The following C11orf58 variants were observed in gnomAD, a reference collection of about 807,000 sequenced individuals.
C11orf58 encodes small acidic protein.
C11orf58 carries 5 observed loss-of-function variants against 22.7 expected under a neutral mutation model. That is an observed-to-expected ratio of 0.22 (90% CI 0.12 to 0.46). The LOEUF (loss-of-function observed/expected upper bound fraction) is 0.46. Among genes scored for constraint, C11orf58 ranks in the 20% least tolerant of loss-of-function variants. C11orf58 has a pLI of 0.99. For missense variants in C11orf58, 151 were observed against 223.3 expected, an observed-to-expected ratio of 0.68 and a Z score of 2.06; for synonymous variants, 71 against 70.7, an observed-to-expected ratio of 1.00 and a Z score of -0.02.
At chr11:16,754,528 TTTCTCTCTCTCTCTCTCCC>T in intron 4 of C11orf58, among the ~76,000 whole-genome samples, 1 of 131,584 alleles carries the variant, frequency 7.6e-6, no homozygotes, top group Non-Finnish European at 1.7e-5. Flanking sequence ...TTTTTTTTAG[TTTCTCTCTCTCTCTCTCCC>T]TTTTTTTTTT....
In C11orf58 at chr11:16,754,921, C is replaced by T. The variant is rs886247101; in HGVS notation, c.369C>T (p.Asp123=). Residue 123 remains aspartate, a synonymous_variant, in exon 5 of 5, where the codon GAC becomes GAT. Coordinates refer to ENST00000228136, the MANE Select transcript of C11orf58 (RefSeq NM_014267.6). ...EGDVAGDDDD[D]DDDSPDPESP... ...ATGTGGCTGGAGATGATGATGATGA[C>T]GATGATGATTCACCTGATCCTGAAA... is the stretch of plus-strand genomic sequence containing the variant. The T allele has an allele frequency of 3.5e-5, 56 of 1,613,740 alleles. No homozygotes were observed. The South Asian group carries it at 4.7e-4, about 14-fold the overall frequency.
chr11:16,753,275 C>G (rs1848548045), intron 4 of C11orf58, among the ~76,000 whole-genome samples: 1 of 151,834 alleles, frequency 6.6e-6, no homozygotes, highest in South Asian at 2.1e-4. Flanking sequence ...CACCATGTAA[C>G]CAGGCTGGCC....
At position 16,739,802 on chromosome 11, in the gene C11orf58, TTAAAG is replaced by T. The variant is rs1443611882; in HGVS notation, c.63+964_63+968del. 4.6e-5 allele frequency among the ~76,000 whole-genome samples: 7 copies of T among 152,276 alleles called. No homozygotes were observed. In the South Asian group the frequency reaches 1.0e-3, roughly 23 times the overall value. On this transcript the variant is annotated intron_variant, in intron 1 of 4. Transcript: ENST00000228136. ...TATCTAGGTTTTTTTTCGGTTTTGT[TTAAAG>T]TACTGTCAATTTCTGAATACATAGA...
At chr11:16,740,150 C>A (rs1374617759) in intron 1 of C11orf58, among the ~76,000 whole-genome samples, 1 of 152,064 alleles carries the variant, frequency 6.6e-6, no homozygotes, top group Non-Finnish European at 1.5e-5. Context: ...TTTTGAGTAA[C>A]CTGGCTGCCA....
chr11:16,745,391 T>C (rs1244730684), intron 2 of C11orf58, among the ~76,000 whole-genome samples: 1 of 152,244 alleles, frequency 6.6e-6, no homozygotes, highest in African/African-American at 2.4e-5. Context: ...TAGCCTACTG[T>C]TGACTGGAAG....
intron 4 of C11orf58, chr11:16,753,910 G>T (rs1243855843): frequency 3.7e-6 from 2 of 543,056 alleles, no homozygotes; most frequent in African/African-American, 1.9e-5. Flanking sequence ...TGTTGCCCAG[G>T]CTGGTCTCAA....
In C11orf58 at chr11:16,756,010, T is replaced by G. The variant is rs1848574289; in HGVS notation, c.*906T>G. 1.3e-5 allele frequency: 2 copies of G among 152,616 alleles called. No individual in the cohort carries two copies. The highest frequency in any genetic ancestry group is 1.3e-4 in the Admixed American group (2 of 15,284). The allele number at this position is 152,616 out of a possible 1,614,324, so 9.5% of individuals were successfully genotyped here. A position where few individuals can be genotyped will look rare whatever the true frequency, so the allele number is the denominator to read the frequency against. On this transcript the variant is annotated 3_prime_UTR_variant, in exon 5 of 5. Transcript: ENST00000228136. Reference sequence around the variant, plus strand: ...CAGTGCTATTTTATTGATTAATTACTAAAAAGTATTACTTTCTAATTTTAT... The same window carrying G: ...CAGTGCTATTTTATTGATTAATTACGAAAAAGTATTACTTTCTAATTTTAT...
Position 16,738,746 on chromosome 11 carries a change from G to A in C11orf58, c.-33G>A, listed in dbSNP as rs371898998. ...TTGCGGCTGGGAAGAGCGGCGAGAG[G>A]GTTCGGCATTTTTCGTCGGGATCCC... is the stretch of plus-strand genomic sequence containing the variant. On this transcript the variant is annotated 5_prime_UTR_variant, in exon 1 of 5. Transcript: ENST00000228136. 16 of 1,612,854 alleles carry A rather than the reference G, an allele frequency of 9.9e-6. No homozygotes were observed. The Admixed American group carries it at 1.0e-4, about 10-fold the overall frequency.
At chr11:16,744,063 AAAAAG>A (rs1271531303) in intron 1 of C11orf58, among the ~76,000 whole-genome samples, 2 of 151,956 alleles carry the variant, frequency 1.3e-5, no homozygotes, top group African/African-American at 4.8e-5. Context: ...AAAAAAAAAA[AAAAAG>A]GCAACTGAAA....
intron 3 of C11orf58, chr11:16,750,081 A>G (rs1447826837): frequency 2.6e-5 from 4 of 152,204 alleles, no homozygotes; most frequent in Non-Finnish European, 5.9e-5. Context: ...GAAAGACCCA[A>G]TGATGAGACA....
chr11:16,756,203 C>CTGTT lies in C11orf58; in HGVS notation c.*1103_*1106dup, dbSNP rs1310641038. 6.6e-6 allele frequency: 1 copy of CTGTT among 151,014 alleles called. No individual in the cohort carries two copies. The highest frequency in any genetic ancestry group is 1.5e-5 in the Non-Finnish European group (1 of 67,954). The allele number at this position is 151,014 out of a possible 1,614,324, so 9.4% of individuals were successfully genotyped here. ...ACAAGTTCAAAGGCTTTAGTCACACCTGTTTGTGAGCTGAGCTATTATACA... is the reference window on the plus strand; with the variant it reads ...ACAAGTTCAAAGGCTTTAGTCACACCTGTTTGTTTGTGAGCTGAGCTATTATACA... On this transcript the variant is annotated 3_prime_UTR_variant, in exon 5 of 5. Transcript: ENST00000228136.
intron 1 of C11orf58, among the ~76,000 whole-genome samples, chr11:16,743,599 A>T (rs1347935323): frequency 1.3e-5 from 2 of 152,178 alleles, no homozygotes; most frequent in African/African-American, 4.8e-5. Flanking sequence ...TCTCTTTGCC[A>T]TTATGAATGG....
chr11:16,744,538 CTT>C, intron 1 of C11orf58, 61 bp from the exon 2 acceptor site: 1 of 1,343,662 alleles, frequency 7.4e-7, no homozygotes, highest in African/African-American at 1.5e-5. Context: ...TACAGGTAGA[CTT>C]TAGATTTCGT....
intron 1 of C11orf58, 60 bp from the exon 2 acceptor site, chr11:16,744,541 T>C (rs753948220): frequency 2.5e-5 from 34 of 1,375,398 alleles, no homozygotes; most frequent in Non-Finnish European, 3.3e-5. Context: ...AGGTAGACTT[T>C]AGATTTCGTA....
chr11:16,751,326 C>A (rs1321435899), intron 3 of C11orf58: 3 of 152,172 alleles, frequency 2.0e-5, no homozygotes, highest in Admixed American at 6.5e-5. Flanking sequence ...AGGGGAGAAA[C>A]CTCGTCTTTA....
intron 4 of C11orf58, 21 bp from the exon 5 acceptor site, chr11:16,754,850 G>T (rs1267236627): frequency 1.9e-6 from 3 of 1,609,662 alleles, no homozygotes; most frequent in Non-Finnish European, 1.7e-6. Flanking sequence ...TTTTAAAAGA[G>T]CCTGTTGATT....
At position 16,755,365 on chromosome 11, in the gene C11orf58, C is replaced by G. The variant is rs1367365701; in HGVS notation, c.*261C>G. The G allele has an allele frequency of 7.4e-6, 2 of 268,608 alleles. No homozygotes were observed. Among genetic ancestry groups the G allele is most frequent in the Non-Finnish European group, 1.4e-5 (2 of 142,462 alleles). The allele number at this position is 268,608 out of a possible 1,614,324, so 16.6% of individuals were successfully genotyped here. A position where few individuals can be genotyped will look rare whatever the true frequency, so the allele number is the denominator to read the frequency against. On this transcript the variant is annotated 3_prime_UTR_variant, in exon 5 of 5. Transcript: ENST00000228136. ...TCCTTTCATATTAGCATCATCAACC[C>G]TCTAATTCACCTTATGGGGGAAATG... is the stretch of plus-strand genomic sequence containing the variant.
rs1304801806 is a variant in C11orf58 at position 16,738,836 on chromosome 11, G to T, written c.58G>T (p.Asp20Tyr). 3.1e-6 allele frequency: 5 copies of T among 1,613,986 alleles called. No individual in the cohort carries two copies. The highest frequency in any genetic ancestry group is 2.7e-5 in the African/African-American group (2 of 74,930). Residue 20 changes from aspartate to tyrosine, a missense_variant, in exon 1 of 5, where the codon GAC becomes TAC. Physicochemically the swap from Asp to Tyr is radical, Grantham distance 160. Around this residue, in one of 3 missense-constraint regions of C11orf58, gnomAD observed 34 missense variants for 36.5 expected, o/e 0.93. Transcript: ENST00000228136. ...GGTGAAGCGTTCAGCCTCCCCAGAC[G>T]ACGATGTAAATAATAATGGCGGAGT... ...HGVKRSASPD[D>Y]DLGSSNWEAA... is the part of the protein sequence containing the mutation.
chr11:16,748,766 T>C (rs1238845706), intron 3 of C11orf58, among the ~76,000 whole-genome samples: 3 of 151,824 alleles, frequency 2.0e-5, no homozygotes, highest in African/African-American at 7.3e-5. Context: ...ATTAGAAATG[T>C]ATAATAGGTA....
Sources: allele counts gnomAD v4.1 joint callset (sites outside exome capture counted in the v4.1 genomes callset), GRCh38; gene constraint gnomAD v4.1.1; regional missense constraint gnomAD v4.1.1; transcripts MANE v1.5; gene names NCBI Gene and HGNC (gene_info 2026-07-23, HGNC 2026-07-21).